The following CTNNA3 variants were observed in gnomAD, a reference collection of about 807,000 sequenced individuals.
CTNNA3 encodes catenin alpha 3.
CTNNA3 carries 76 observed loss-of-function variants against 95.7 expected under a neutral mutation model. The ratio of observed to expected loss-of-function variants is 0.79; its 90% CI spans 0.66 to 0.96. The LOEUF (loss-of-function observed/expected upper bound fraction) is 0.96, where lower values mean the gene tolerates loss of function less well. Among genes scored for constraint, CTNNA3 ranks in the 40% least tolerant of loss-of-function variants. CTNNA3 has a pLI of 0.00. For synonymous variants in CTNNA3, 431 were observed against 374.4 expected (o/e 1.15, Z -1.74); for missense variants, 1,191 against 1,089.8 (o/e 1.09, Z -1.31).
At chr10:67,542,635 G>A (rs977374690) in intron 3 of CTNNA3, among the ~76,000 whole-genome samples, 3 of 152,012 alleles carry the variant, frequency 2.0e-5, no homozygotes, top group Non-Finnish European at 2.9e-5. Context: ...TCAAGTGAAA[G>A]TCAACAAACA....
chr10:67,359,229 G>A (rs1278726212), intron 5 of CTNNA3, among the ~76,000 whole-genome samples: 1 of 144,422 alleles, frequency 6.9e-6, no homozygotes, highest in Non-Finnish European at 1.5e-5. Context: ...CCATTCAAAT[G>A]ACATAACTTT....
chr10:66,173,770 T>C (rs2085558739), intron 13 of CTNNA3, among the ~76,000 whole-genome samples: 2 of 152,168 alleles, frequency 1.3e-5, no homozygotes, highest in Non-Finnish European at 2.9e-5. Context: ...TTTAGGTACA[T>C]ATTTTTTATT....
chr10:67,384,216 T>C (rs1313225093), intron 5 of CTNNA3, among the ~76,000 whole-genome samples: 1 of 152,212 alleles, frequency 6.6e-6, no homozygotes, highest in East Asian at 1.9e-4. Flanking sequence ...GTAAGGTCGC[T>C]ATACATCACT....
intron 1 of CTNNA3, among the ~76,000 whole-genome samples, chr10:67,742,059 G>C (rs929948191): frequency 1.3e-5 from 2 of 151,004 alleles, no homozygotes; most frequent in Non-Finnish European, 3.0e-5. Context: ...ATAATAATGG[G>C]AGACTTTAAC....
chr10:66,362,708 T>C (rs1375481208), intron 12 of CTNNA3, among the ~76,000 whole-genome samples: 1 of 151,706 alleles, frequency 6.6e-6, no homozygotes, highest in Non-Finnish European at 1.5e-5. Context: ...GTGAGACTAC[T>C]TCCCCCTGCC....
intron 9 of CTNNA3, 107 bp from the exon 10 acceptor site, chr10:66,621,891 C>CAAAT (rs755153640): frequency 5.4e-6 from 3 of 557,424 alleles, no homozygotes; most frequent in Non-Finnish European, 6.2e-6. Context: ...ATCTCAATGA[C>CAAAT]AAATAACATT....
intron 17 of CTNNA3, among the ~76,000 whole-genome samples, chr10:65,933,713 C>G (rs191887209): frequency 6.6e-6 from 1 of 152,104 alleles, no homozygotes; most frequent in Admixed American, 6.6e-5. Flanking sequence ...CCTGTCTTAC[C>G]CATTTAATAA....
intron 2 of CTNNA3, among the ~76,000 whole-genome samples, chr10:67,637,460 A>C (rs57627362): frequency 0.12 from 18,535 of 152,136 alleles, 2,058 homozygotes; most frequent in East Asian, 0.43. Flanking sequence ...ATCCAGAAGA[A>C]CTTCCCCAAT....
chr10:66,172,022 G>A (rs181364565), intron 13 of CTNNA3, among the ~76,000 whole-genome samples: 2 of 152,216 alleles, frequency 1.3e-5, no homozygotes, highest in East Asian at 3.9e-4. Flanking sequence ...GAGCAAGTAT[G>A]CTCACTTATT....
At chr10:66,420,578 G>T (rs963372556) in intron 11 of CTNNA3, among the ~76,000 whole-genome samples, 2 of 151,830 alleles carry the variant, frequency 1.3e-5, no homozygotes, top group African/African-American at 4.8e-5. Context: ...AGACGGGCAG[G>T]TCATGAGGTC....
intron 10 of CTNNA3, among the ~76,000 whole-genome samples, chr10:66,606,390 C>T (rs1021848575): frequency 5.9e-5 from 9 of 152,068 alleles, no homozygotes; most frequent in Non-Finnish European, 1.2e-4. Flanking sequence ...ATTTTCAGGA[C>T]CTGAACTCAG....
chr10:66,854,102 G>C (rs1357986448), intron 7 of CTNNA3, among the ~76,000 whole-genome samples: 4 of 151,900 alleles, frequency 2.6e-5, no homozygotes, highest in Non-Finnish European at 5.9e-5. Flanking sequence ...TTATTTATTG[G>C]TCACTTACTT....
At chr10:67,027,471 G>A (rs542065055) in intron 7 of CTNNA3, among the ~76,000 whole-genome samples, 2 of 130,254 alleles carry the variant, frequency 1.5e-5, no homozygotes, top group African/African-American at 5.8e-5. Flanking sequence ...GTCTCGCTCT[G>A]TCACCCAGGC....
intron 11 of CTNNA3, among the ~76,000 whole-genome samples, chr10:66,509,869 G>A (rs1173841595): frequency 2.6e-5 from 4 of 151,782 alleles, no homozygotes; most frequent in Non-Finnish European, 4.4e-5. Context: ...GCTTGGTATT[G>A]CATTGGGTAT....
chr10:66,515,968 A>G (rs534285254), intron 11 of CTNNA3, among the ~76,000 whole-genome samples: 4 of 149,862 alleles, frequency 2.7e-5, no homozygotes, highest in African/African-American at 9.7e-5. Context: ...GCTATTAAAC[A>G]CATCTGTAAC....
intron 13 of CTNNA3, among the ~76,000 whole-genome samples, chr10:66,266,066 G>A (rs2091142496): frequency 6.7e-6 from 1 of 148,448 alleles, no homozygotes; most frequent in African/African-American, 2.5e-5. Context: ...AGGAAAAGAA[G>A]GGAAAAGAGA....
chr10:66,317,136 C>A (rs1283370248), intron 12 of CTNNA3, among the ~76,000 whole-genome samples: 1 of 151,834 alleles, frequency 6.6e-6, no homozygotes, highest in East Asian at 1.9e-4. Flanking sequence ...ATCAGTTAGA[C>A]AATAAGATAA....
At chr10:67,711,834 T>C (rs1841111828) in intron 1 of CTNNA3, among the ~76,000 whole-genome samples, 1 of 149,788 alleles carries the variant, frequency 6.7e-6, no homozygotes, top group Non-Finnish European at 1.5e-5. Flanking sequence ...ATATGCGGTG[T>C]TTGGTTTTTT....
intron 5 of CTNNA3, among the ~76,000 whole-genome samples, chr10:67,418,008 A>G (rs1845605029): frequency 6.6e-6 from 1 of 152,226 alleles, no homozygotes; most frequent in Admixed American, 6.5e-5. Context: ...ATATCCATAC[A>G]AAGAAGTATT....
Sources: gnomAD v4.1 joint callset for allele counts (sites outside exome capture counted in the v4.1 genomes callset) on GRCh38, gnomAD v4.1.1 for gene constraint, MANE v1.5 for transcripts, NCBI Gene and HGNC (gene_info 2026-07-23, HGNC 2026-07-21) for gene names.